Variants in C4orf50 observed in about 807,000 individuals in gnomAD.
The protein encoded by C4orf50 is uncharacterized protein C4orf50.
A neutral mutation model predicts 77.2 loss-of-function variants in C4orf50; 80 were observed. The observed-to-expected ratio is 1.04, with a 90% CI of 0.87 to 1.25. The LOEUF is 1.25. C4orf50 is among the 50% of genes most tolerant of loss of function. The pLI, the probability that C4orf50 is intolerant of heterozygous loss-of-function variation, is 0.00. For synonymous variants in C4orf50, 532 were observed against 465.3 expected (o/e 1.14, Z -1.84); for missense variants, 1,257 against 1,152.9 (o/e 1.09, Z -1.31).
intron 29 of C4orf50, among the ~76,000 whole-genome samples, chr4:5,977,170 C>T (rs889700762): frequency 4.6e-5 from 7 of 152,202 alleles, no homozygotes; most frequent in African/African-American, 1.7e-4. Context: ...AGCCGGATGC[C>T]ACTGAGTCAT....
chr4:5,975,756 T>C (rs1333469480), intron 30 of C4orf50, 143 bp downstream of exon 8: 6 of 646,408 alleles, frequency 9.3e-6, no homozygotes, highest in Admixed American at 2.4e-5. Flanking sequence ...CCCAAAGTGC[T>C]GGGATTACAG....
intron 7 of C4orf50, among the ~76,000 whole-genome samples, chr4:5,945,895 G>A (rs1283228194): frequency 6.6e-6 from 1 of 152,150 alleles, no homozygotes; most frequent in East Asian, 1.9e-4. Context: ...GCCCCAGGAG[G>A]CTGACCCCAA....
At chr4:5,943,176 G>A (rs536461401) in intron 7 of C4orf50, among the ~76,000 whole-genome samples, 3 of 152,148 alleles carry the variant, frequency 2.0e-5, no homozygotes, top group African/African-American at 7.2e-5. Flanking sequence ...TCACAGAAGC[G>A]GCAGCTGTTT....
intron 24 of C4orf50, among the ~76,000 whole-genome samples, chr4:6,010,524 T>G (rs1160342472): frequency 1.3e-5 from 2 of 152,202 alleles, no homozygotes; most frequent in Non-Finnish European, 2.9e-5. Flanking sequence ...TGAAACAAGT[T>G]TCTCAAAACA....
At chr4:5,983,640 A>G (rs1720716108) in intron 28 of C4orf50, among the ~76,000 whole-genome samples, 1 of 152,170 alleles carries the variant, frequency 6.6e-6, no homozygotes, top group African/African-American at 2.4e-5. Context: ...CAGGGTCACA[A>G]TCCTTAAGAA....
chr4:5,971,642 T>C (rs1162986957), intron 31 of C4orf50, among the ~76,000 whole-genome samples: 2 of 152,212 alleles, frequency 1.3e-5, no homozygotes, highest in Admixed American at 6.5e-5. Flanking sequence ...AAGTGACAGA[T>C]GAAGAAATGA....
At chr4:5,928,067 T>C (rs958079366) in intron 7 of C4orf50, among the ~76,000 whole-genome samples, 4 of 152,248 alleles carry the variant, frequency 2.6e-5, no homozygotes, top group Admixed American at 1.3e-4. Flanking sequence ...CTCACATTAA[T>C]GCGTGGAACT....
intron 7 of C4orf50, among the ~76,000 whole-genome samples, chr4:5,929,446 A>ACCATT (rs1553913375): frequency 0.023 from 3,530 of 151,914 alleles, 121 homozygotes; most frequent in African/African-American, 0.071. Flanking sequence ...CTTTAGGAAT[A>ACCATT]ACATTTCCTT....
chr4:5,989,100 C>T, exon 28 of C4orf50: 1 of 1,536,116 alleles, frequency 6.5e-7, no homozygotes, highest in Non-Finnish European at 8.7e-7. Flanking sequence ...TGTCCCCTAC[C>T]AGCCTGTGGT....
At chr4:6,002,550 G>T (rs1428019158) in intron 25 of C4orf50, among the ~76,000 whole-genome samples, 1 of 152,214 alleles carries the variant, frequency 6.6e-6, no homozygotes, top group Non-Finnish European at 1.5e-5. Flanking sequence ...CTCCAAACCA[G>T]CTGGGAACAC....
In C4orf50 at chr4:5,916,910, G is replaced by A. The variant is rs1157443692; in HGVS notation, c.*2475-18722C>T. On this transcript the variant is annotated intron_variant, in intron 7 of 7. Coordinates refer to the C4orf50 transcript ENST00000324058. The surrounding 1 kb of genome is among the most constrained non-coding windows in gnomAD (Gnocchi z 4.4). ...GAGGCAGGCTGGGGACAGTGCCATCGGGCCCAAACACATCACTATGTGGAC... is the reference window on the plus strand; with the variant it reads ...GAGGCAGGCTGGGGACAGTGCCATCAGGCCCAAACACATCACTATGTGGAC... Among the ~76,000 whole-genome samples, 2 of 152,110 alleles carry A rather than the reference G, an allele frequency of 1.3e-5. No individual in the cohort carries two copies. The highest frequency in any genetic ancestry group is 2.9e-5 in the Non-Finnish European group (2 of 68,030).
exon 28 of C4orf50, chr4:5,989,398 G>T: frequency 6.5e-7 from 1 of 1,536,078 alleles, no homozygotes; most frequent in Non-Finnish European, 8.7e-7. Context: ...CAGGGCCGTG[G>T]TCTTTCCCGG....
chr4:6,018,229 A>C lies in C4orf50; in HGVS notation c.203T>G (p.Leu68Arg), dbSNP rs1219158683. The C allele has an allele frequency of 2.5e-6, 1 of 398,860 alleles. No homozygotes were observed. The highest frequency in any genetic ancestry group is 4.4e-6 in the Non-Finnish European group (1 of 226,092). The allele number at this position is 398,860 out of a possible 1,614,324, so 24.7% of individuals were successfully genotyped here. ...CTCGGAGGACTCCAGCTGCCTCCTGAGCGCACCCATATCCATGTCTGGGCG... is the reference window on the plus strand; with the variant it reads ...CTCGGAGGACTCCAGCTGCCTCCTGCGCGCACCCATATCCATGTCTGGGCG... The change falls in exon 23 of 34, where the codon CTC becomes CGC. Residue 68 changes from leucine to arginine, a missense_variant. Leu to Arg is a moderately radical substitution (Grantham distance 102). Transcript: ENST00000531445. The surrounding 1 kb of genome is among the most constrained non-coding windows in gnomAD (Gnocchi z 5.1).
intron 7 of C4orf50, among the ~76,000 whole-genome samples, chr4:5,914,818 A>C (rs1438144721): frequency 6.6e-6 from 1 of 152,228 alleles, no homozygotes; most frequent in African/African-American, 2.4e-5. Context: ...AAGTTAATGT[A>C]GCCTGGGATT....
At chr4:5,927,220 G>A (rs1717554859) in intron 7 of C4orf50, among the ~76,000 whole-genome samples, 1 of 152,104 alleles carries the variant, frequency 6.6e-6, no homozygotes, top group African/African-American at 2.4e-5. Context: ...TCAGGGCTCA[G>A]AAGCAGGTCT....
At chr4:5,998,738 T>G (rs1721705008) in intron 25 of C4orf50, among the ~76,000 whole-genome samples, 1 of 152,254 alleles carries the variant, frequency 6.6e-6, no homozygotes, top group South Asian at 2.1e-4. Context: ...GGTTTGCACC[T>G]GTGTCTGTCT....
chr4:5,993,164 C>A (rs1365154968), intron 26 of C4orf50, among the ~76,000 whole-genome samples: 1 of 152,162 alleles, frequency 6.6e-6, no homozygotes, highest in Admixed American at 6.5e-5. Context: ...GGGCTCCATG[C>A]CACCTCTGCG....
intron 7 of C4orf50, among the ~76,000 whole-genome samples, chr4:5,925,144 G>A (rs1282696712): frequency 6.6e-6 from 1 of 152,160 alleles, no homozygotes; most frequent in South Asian, 2.1e-4. Context: ...AGCAGAGGGA[G>A]TGGAGACAGA....
At chr4:5,922,850 T>C (rs7667035) in intron 7 of C4orf50, among the ~76,000 whole-genome samples, 61,253 of 152,098 alleles carry the variant, frequency 0.4, 13,500 homozygotes, top group East Asian at 0.77. Flanking sequence ...GTCTCCTCAT[T>C]AGCTCTCTCT....
Sources: allele counts gnomAD v4.1 joint callset (sites outside exome capture counted in the v4.1 genomes callset), GRCh38; gene constraint gnomAD v4.1.1; non-coding constraint Gnocchi (gnomAD v3.1); transcripts MANE v1.5; gene names NCBI Gene and HGNC (gene_info 2026-07-23, HGNC 2026-07-21).